IQSEC1: variants seen among roughly 807,000 people sequenced by gnomAD.
The protein encoded by IQSEC1 is IQ motif and Sec7 domain ArfGEF 1.
Under a neutral mutation model 91.0 loss-of-function variants are expected in IQSEC1, and 31 were observed. That is an observed-to-expected ratio of 0.34 (90% CI 0.26 to 0.46). The LOEUF is 0.46. Among genes scored for constraint, IQSEC1 ranks in the 20% least tolerant of loss-of-function variants. The pLI, the probability that IQSEC1 is intolerant of heterozygous loss-of-function variation, is 1.00. For synonymous variants in IQSEC1, 699 were observed against 662.6 expected (o/e 1.05, Z -0.84); for missense variants, 1,388 against 1,575.6 (o/e 0.88, Z 2.02).
intron 1 of IQSEC1, among the ~76,000 whole-genome samples, chr3:12,964,325 C>CACACACACAT (rs3223027): frequency 1.3e-5 from 2 of 148,340 alleles, no homozygotes; most frequent in African/African-American, 2.5e-5. Flanking sequence ...CACACACACA[C>CACACACACAT]ATGCTTCCAT....
chr3:13,119,831 A>C (rs1439054381), intron 2 of IQSEC1, among the ~76,000 whole-genome samples: 3 of 151,896 alleles, frequency 2.0e-5, no homozygotes, highest in Non-Finnish European at 2.9e-5. Flanking sequence ...GTTACATGGC[A>C]CTGTCTCTAT....
At position 12,944,330 on chromosome 3, in the gene IQSEC1, C is replaced by T. The variant is rs77216699; in HGVS notation, c.24-2465G>A. Among the ~76,000 whole-genome samples, 707 of 152,340 alleles carry T rather than the reference C, an allele frequency of 4.6e-3. 1 individual carries two copies. The highest frequency in any genetic ancestry group is 8.3e-3 in the Non-Finnish European group (567 of 68,030). On this transcript the variant is annotated intron_variant, in intron 1 of 13. Transcript: ENST00000613206. The stretch of plus-strand genomic sequence containing the variant: ...ATTGCTAAAGCTTTGAGCAGGGACT[C>T]GCAATAAACACTCACCAACCTAATC...
upstream of IQSEC1, among the ~76,000 whole-genome samples, chr3:13,077,078 G>C (rs1037982406): frequency 1.4e-4 from 21 of 150,940 alleles, no homozygotes; most frequent in Non-Finnish European, 2.5e-4. Context: ...GCCCAGGCTG[G>C]AGTGCAGTGG....
intron 1 of IQSEC1, among the ~76,000 whole-genome samples, chr3:13,251,245 C>T (rs937197824): frequency 6.6e-6 from 1 of 152,210 alleles, no homozygotes; most frequent in Non-Finnish European, 1.5e-5. Flanking sequence ...CCAACACCAC[C>T]TACCCACCCC....
intron 10 of IQSEC1, among the ~76,000 whole-genome samples, chr3:12,910,114 C>A (rs914420437): frequency 2.0e-4 from 31 of 152,220 alleles, no homozygotes; most frequent in Non-Finnish European, 4.6e-4. Flanking sequence ...CTAGTGACAC[C>A]AAACCTTCTG....
intron 2 of IQSEC1, among the ~76,000 whole-genome samples, chr3:13,115,904 C>G (rs74970915): frequency 6.6e-6 from 1 of 152,224 alleles, no homozygotes; most frequent in Non-Finnish European, 1.5e-5. Context: ...TGCTCCCCAC[C>G]TTCCCATTCT....
chr3:13,001,555 A>G (rs1702425297), intron 1 of IQSEC1, among the ~76,000 whole-genome samples: 1 of 152,218 alleles, frequency 6.6e-6, no homozygotes, highest in African/African-American at 2.4e-5. Flanking sequence ...CACGAACATC[A>G]GGGAGCAGAG....
chr3:13,264,914 C>A (rs888502082), intron 1 of IQSEC1, among the ~76,000 whole-genome samples: 1 of 151,916 alleles, frequency 6.6e-6, no homozygotes, highest in Non-Finnish European at 1.5e-5. Context: ...CTGTGTCTCT[C>A]CCTCTCTCTT....
intron 1 of IQSEC1, among the ~76,000 whole-genome samples, chr3:12,978,417 G>A (rs1417988365): frequency 1.3e-5 from 2 of 152,142 alleles, no homozygotes; most frequent in African/African-American, 4.8e-5. Flanking sequence ...CTTTGCACAG[G>A]GCCGGGCGCG....
At chr3:13,272,938 CAA>C (rs1695613716) in intron 1 of IQSEC1, among the ~76,000 whole-genome samples, 1 of 152,302 alleles carries the variant, frequency 6.6e-6, no homozygotes, top group African/African-American at 2.4e-5. Context: ...TGCTGAAACC[CAA>C]GTCACCTGAT....
rs977056772 is a variant in IQSEC1, at chr3:12,899,680, C to G, written c.*1303G>C. ...GCTAGCACATGGCTACATGGAATTA[C>G]GGTGATCACTGCTACCACTCAGAAA... is the stretch of plus-strand genomic sequence containing the variant. On this transcript the variant is annotated 3_prime_UTR_variant, in exon 14 of 14. Transcript: ENST00000613206. 1 of 985,428 alleles carries G rather than the reference C, an allele frequency of 1.0e-6. No homozygotes were observed. Among genetic ancestry groups the G allele is most frequent in the Non-Finnish European group, 1.2e-6 (1 of 829,928 alleles). 61.0% of individuals were successfully genotyped at this position (985,428 alleles called of 1,614,324 possible).
At chr3:13,166,728 C>T (rs1693504845) in intron 1 of IQSEC1, among the ~76,000 whole-genome samples, 3 of 152,212 alleles carry the variant, frequency 2.0e-5, no homozygotes, top group Admixed American at 2.0e-4. Context: ...AGGGAAGGAA[C>T]ATCTGGAGGA....
chr3:13,219,661 TA>T (rs1694620049), intron 1 of IQSEC1, among the ~76,000 whole-genome samples: 1 of 152,266 alleles, frequency 6.6e-6, no homozygotes. Flanking sequence ...GCCAAGTGCT[TA>T]GTGGCTTTCT....
At chr3:13,116,883 C>T (rs1215790752) in intron 2 of IQSEC1, among the ~76,000 whole-genome samples, 1 of 152,172 alleles carries the variant, frequency 6.6e-6, no homozygotes, top group Non-Finnish European at 1.5e-5. Flanking sequence ...ATAAAACCCA[C>T]AGAAGAAAAC....
chr3:13,091,160 C>T lies in IQSEC1; in HGVS notation c.303-43638G>A, dbSNP rs145209836. Among the ~76,000 whole-genome samples the T allele has an allele frequency of 2.8e-3, 424 of 152,280 alleles. 3 individuals are homozygous for T. Among genetic ancestry groups the T allele is most frequent in the African/African-American group, 9.5e-3 (393 of 41,552 alleles). Reference sequence around the variant, plus strand: ...GACACTCTCTCAGGGAGGGCTCCTGCCCACCTCTGTCCTGCACTCCCTACG... The same window carrying T: ...GACACTCTCTCAGGGAGGGCTCCTGTCCACCTCTGTCCTGCACTCCCTACG... On this transcript the variant is annotated intron_variant, in intron 2 of 15. Coordinates refer to the IQSEC1 transcript ENST00000648114.
chr3:13,127,897 G>A (rs1706544735), intron 2 of IQSEC1, among the ~76,000 whole-genome samples: 2 of 152,170 alleles, frequency 1.3e-5, no homozygotes, highest in African/African-American at 2.4e-5. Context: ...GATTTATGCA[G>A]AAGAATCTAA....
At chr3:13,191,142 G>A (rs151109538) in intron 1 of IQSEC1, among the ~76,000 whole-genome samples, 129 of 152,290 alleles carry the variant, frequency 8.5e-4, no homozygotes, top group African/African-American at 2.9e-3. Flanking sequence ...ATCCTCCCTC[G>A]ATTTGACACT....
At chr3:13,058,242 C>T (rs1331174765) in intron 1 of IQSEC1, among the ~76,000 whole-genome samples, 1 of 152,158 alleles carries the variant, frequency 6.6e-6, no homozygotes, top group African/African-American at 2.4e-5. Flanking sequence ...CACTGCACTC[C>T]AGCCTGGGCG....
intron 1 of IQSEC1, among the ~76,000 whole-genome samples, chr3:13,030,303 G>A (rs951866663): frequency 6.6e-6 from 1 of 152,116 alleles, no homozygotes; most frequent in African/African-American, 2.4e-5. Context: ...TGCCATATCC[G>A]CCAGGCTGGT....
Sources: allele counts gnomAD v4.1 joint callset (sites outside exome capture counted in the v4.1 genomes callset), GRCh38; gene constraint gnomAD v4.1.1; transcripts MANE v1.5; gene names NCBI Gene and HGNC (gene_info 2026-07-23, HGNC 2026-07-21).